Variants in ARHGAP24 observed in about 807,000 individuals in gnomAD.
The protein encoded by ARHGAP24 is rho GTPase-activating protein 24.
Under a neutral mutation model 76.4 loss-of-function variants are expected in ARHGAP24, and 50 were observed. That is an observed-to-expected ratio of 0.65 (90% confidence interval 0.52 to 0.83). ARHGAP24 has a LOEUF of 0.83. Among genes scored for constraint, ARHGAP24 ranks in the 40% least tolerant of loss-of-function variants. ARHGAP24 has a pLI of 0.00. For missense variants in ARHGAP24, 930 were observed against 914.2 expected, an observed-to-expected ratio of 1.02 and a Z score of -0.22; for synonymous variants, 345 against 323.3, an observed-to-expected ratio of 1.07 and a Z score of -0.72.
At chr4:85,725,923 G>T (rs1725150740) in intron 3 of ARHGAP24, among the ~76,000 whole-genome samples, 1 of 152,150 alleles carries the variant, frequency 6.6e-6, no homozygotes, top group Non-Finnish European at 1.5e-5. Flanking sequence ...AAGCTTCAGA[G>T]GCCATCATGA....
At chr4:85,642,682 C>T (rs1328670406) in intron 2 of ARHGAP24, among the ~76,000 whole-genome samples, 1 of 150,388 alleles carries the variant, frequency 6.6e-6, no homozygotes. Context: ...TGCTACCACC[C>T]TTGAGAGTGT....
At chr4:85,531,372 G>C (rs915130807) in intron 1 of ARHGAP24, among the ~76,000 whole-genome samples, 1 of 152,012 alleles carries the variant, frequency 6.6e-6, no homozygotes, top group African/African-American at 2.4e-5. Context: ...GAGCAATATA[G>C]AAAAATGTTG....
intron 2 of ARHGAP24, among the ~76,000 whole-genome samples, chr4:85,674,991 G>T (rs2110004747): frequency 6.6e-6 from 1 of 152,240 alleles, no homozygotes; most frequent in African/African-American, 2.4e-5. Flanking sequence ...GTAATCAGAG[G>T]GTTCTGCTGA....
chr4:85,542,688 G>A (rs1725750141), intron 1 of ARHGAP24, among the ~76,000 whole-genome samples: 1 of 145,944 alleles, frequency 6.9e-6, no homozygotes. Flanking sequence ...GATAAAAGTA[G>A]CATGTATGAA....
rs568240567 is a variant in ARHGAP24 at position 85,703,523 on chromosome 4, C to T, written c.181-18362C>T. On this transcript the variant is annotated intron_variant, in intron 2 of 9. Transcript: ENST00000395184. ...GGGAACTTGGGGGAGTTGATGACAT[C>T]ATGAGGGTAGTGCCCTCAAGAATGA... Among the ~76,000 whole-genome samples the T allele has an allele frequency of 2.0e-5, 3 of 152,228 alleles. No homozygotes were observed. The East Asian group carries it at 5.8e-4, about 29-fold the overall frequency.
chr4:85,521,836 G>GA (rs1295265870), intron 1 of ARHGAP24, among the ~76,000 whole-genome samples: 1 of 152,134 alleles, frequency 6.6e-6, no homozygotes, highest in African/African-American at 2.4e-5. Context: ...TCTACCCATT[G>GA]AAGAGGCCAA....
intron 1 of ARHGAP24, among the ~76,000 whole-genome samples, chr4:85,513,619 C>A (rs1372423592): frequency 6.6e-6 from 1 of 151,902 alleles, no homozygotes; most frequent in Admixed American, 6.6e-5. Flanking sequence ...GATTCTTTGA[C>A]TACTAAAGAC....
chr4:85,702,311 C>T (rs1724123463), intron 2 of ARHGAP24, among the ~76,000 whole-genome samples: 1 of 152,104 alleles, frequency 6.6e-6, no homozygotes, highest in South Asian at 2.1e-4. Flanking sequence ...TACTTTTCTT[C>T]TTCTGCCTAG....
intron 1 of ARHGAP24, among the ~76,000 whole-genome samples, chr4:85,531,873 T>C (rs1391585378): frequency 6.6e-6 from 1 of 152,106 alleles, no homozygotes; most frequent in Non-Finnish European, 1.5e-5. Flanking sequence ...CAGCATATTA[T>C]ATCAATGATC....
chr4:85,582,999 C>T (rs1359307093), intron 2 of ARHGAP24, among the ~76,000 whole-genome samples: 2 of 152,032 alleles, frequency 1.3e-5, no homozygotes, highest in Admixed American at 1.3e-4. Context: ...GCGGTGCTTC[C>T]CTGGGGACTT....
chr4:85,892,276 G>A (rs1352758158), intron 3 of ARHGAP24, among the ~76,000 whole-genome samples: 1 of 25,514 alleles, frequency 3.9e-5, no homozygotes, highest in Non-Finnish European at 7.8e-5. Context: ...TCTTGCTAGC[G>A]GTCTATCAAT....
chr4:85,766,642 G>A lies in ARHGAP24; in HGVS notation c.268+44670G>A, dbSNP rs115932106. Among the ~76,000 whole-genome samples, 252 of 152,164 alleles carry A rather than the reference G, an allele frequency of 1.7e-3. 1 individual carries two copies. The highest frequency in any genetic ancestry group is 5.8e-3 in the African/African-American group (241 of 41,536). On this transcript the variant is annotated intron_variant, in intron 3 of 9. Coordinates refer to ENST00000395184, the MANE Select transcript of ARHGAP24 (RefSeq NM_001025616.3). ...ACTAAAGACAGTGAACAACAAAACAGCATGTAAAAAAACAGATGAAAAATC... is the reference window on the plus strand; with the variant it reads ...ACTAAAGACAGTGAACAACAAAACAACATGTAAAAAAACAGATGAAAAATC...
chr4:85,755,000 G>T (rs1382536390), intron 3 of ARHGAP24, among the ~76,000 whole-genome samples: 2 of 152,132 alleles, frequency 1.3e-5, no homozygotes, highest in South Asian at 2.1e-4. Context: ...CAGATGCAAG[G>T]CCTCAGTATA....
chr4:85,699,888 G>A (rs536996914), intron 2 of ARHGAP24, among the ~76,000 whole-genome samples: 12 of 152,112 alleles, frequency 7.9e-5, no homozygotes, highest in African/African-American at 2.7e-4. Flanking sequence ...CCCATAGTAG[G>A]CATTTAATAT....
chr4:85,755,626 G>GGTTTT (rs1726448976), intron 3 of ARHGAP24, among the ~76,000 whole-genome samples: 1 of 117,372 alleles, frequency 8.5e-6, no homozygotes, highest in African/African-American at 2.9e-5. Context: ...CTATTCTTTT[G>GGTTTT]TTTTGTTTTG....
intron 3 of ARHGAP24, among the ~76,000 whole-genome samples, chr4:85,859,212 T>TACACACACACACACACACACACACACAC (rs10645010): frequency 1.4e-5 from 2 of 145,454 alleles, no homozygotes; most frequent in Admixed American, 7.0e-5. Flanking sequence ...GCCACATGCA[T>TACACACACACACACACACACACACACAC]ACACACACAC....
At chr4:85,559,872 A>G (rs1186826459) in intron 1 of ARHGAP24, among the ~76,000 whole-genome samples, 1 of 152,180 alleles carries the variant, frequency 6.6e-6, no homozygotes, top group East Asian at 1.9e-4. Flanking sequence ...CCCGTTTCAG[A>G]TGCCATTGCT....
At chr4:85,708,593 C>A (rs1309657736) in intron 2 of ARHGAP24, among the ~76,000 whole-genome samples, 1 of 152,186 alleles carries the variant, frequency 6.6e-6, no homozygotes, top group Non-Finnish European at 1.5e-5. Context: ...CTAAAAATAA[C>A]CCTGATGAAT....
rs1311739536 is a variant in ARHGAP24, at chr4:85,570,877, T to G, written c.180+156T>G. The G allele has an allele frequency of 6.1e-6, 5 of 823,206 alleles. No homozygotes were observed. In the East Asian group the frequency reaches 1.4e-4, roughly 22 times the overall value. 51.0% of individuals were successfully genotyped at this position (823,206 alleles called of 1,614,324 possible). On this transcript the variant is annotated intron_variant, in intron 2 of 9. Transcript: ENST00000395184. ...CCTTTTACCCATTGCTTGCTTTGAGTTGGAGATAATAAAATCGCTAATTGA... is the reference window on the plus strand; with the variant it reads ...CCTTTTACCCATTGCTTGCTTTGAGGTGGAGATAATAAAATCGCTAATTGA...
Sources: allele counts gnomAD v4.1 joint callset (sites outside exome capture counted in the v4.1 genomes callset), GRCh38; gene constraint gnomAD v4.1.1; transcripts MANE v1.5; gene names NCBI Gene and HGNC (gene_info 2026-07-23, HGNC 2026-07-21).